Variants in SCAPER observed in about 807,000 individuals in gnomAD.
The protein encoded by SCAPER is S phase cyclin A-associated protein in the endoplasmic reticulum.
In SCAPER, 98 loss-of-function variants were observed where a neutral mutation model predicts 182.2. The observed-to-expected ratio is 0.54, with a 90% CI of 0.46 to 0.64. SCAPER has a LOEUF of 0.64. Among genes scored for constraint, SCAPER ranks in the 30% least tolerant of loss-of-function variants. The pLI, the probability that SCAPER is intolerant of heterozygous loss-of-function variation, is 0.00. For synonymous variants in SCAPER, 605 were observed against 564.6 expected (o/e 1.07, Z -1.01); for missense variants, 1,432 against 1,690.0 (o/e 0.85, Z 2.68).
chr15:76,547,729 G>A (rs1477398046), intron 23 of SCAPER, among the ~76,000 whole-genome samples: 1 of 152,070 alleles, frequency 6.6e-6, no homozygotes, highest in Non-Finnish European at 1.5e-5. Flanking sequence ...GACGGGTCAT[G>A]TATGTTGTAT....
intron 26 of SCAPER, among the ~76,000 whole-genome samples, chr15:76,407,438 T>G (rs1029801791): frequency 1.6e-4 from 24 of 152,240 alleles, no homozygotes; most frequent in African/African-American, 5.8e-4. Context: ...CCTTGGCATC[T>G]AGTTCAAACC....
At chr15:76,413,331 T>C (rs1428269219) in intron 26 of SCAPER, among the ~76,000 whole-genome samples, 1 of 152,188 alleles carries the variant, frequency 6.6e-6, no homozygotes, top group African/African-American at 2.4e-5. Flanking sequence ...GTGTTTATTA[T>C]TATGTACGAT....
chr15:76,398,329 T>C (rs1449621503), intron 27 of SCAPER, among the ~76,000 whole-genome samples: 10 of 152,230 alleles, frequency 6.6e-5, no homozygotes, highest in Admixed American at 3.3e-4. Flanking sequence ...TTATCTTCTG[T>C]CCTCTTGATC....
chr15:76,656,030 G>A (rs1420604144), intron 21 of SCAPER, among the ~76,000 whole-genome samples: 1 of 152,088 alleles, frequency 6.6e-6, no homozygotes, highest in Admixed American at 6.5e-5. Context: ...AGCTAACAAC[G>A]TGACAGGATC....
chr15:76,633,007 G>A (rs545585986), intron 21 of SCAPER, among the ~76,000 whole-genome samples: 12 of 152,014 alleles, frequency 7.9e-5, no homozygotes, highest in East Asian at 1.9e-4. Context: ...ACTCCTGACC[G>A]CAGGTGATCC....
At chr15:76,760,440 C>T (rs1489761353) in intron 14 of SCAPER, among the ~76,000 whole-genome samples, 2 of 152,236 alleles carry the variant, frequency 1.3e-5, no homozygotes, top group Non-Finnish European at 2.9e-5. Flanking sequence ...ACGAAACTTA[C>T]ATGCCCTCTC....
intron 2 of SCAPER, among the ~76,000 whole-genome samples, chr15:76,882,965 T>C (rs2073653634): frequency 6.6e-6 from 1 of 152,068 alleles, no homozygotes; most frequent in Non-Finnish European, 1.5e-5. Flanking sequence ...TGCCCGGCCC[T>C]CTCCTGCTCT....
At chr15:76,530,224 CA>C in intron 23 of SCAPER, among the ~76,000 whole-genome samples, 1 of 152,228 alleles carries the variant, frequency 6.6e-6, no homozygotes, top group South Asian at 2.1e-4. Flanking sequence ...AATATCCCTC[CA>C]AAGTATTAAT....
intron 8 of SCAPER, among the ~76,000 whole-genome samples, chr15:76,794,779 T>C (rs1178957899): frequency 6.6e-6 from 1 of 152,214 alleles, no homozygotes; most frequent in Non-Finnish European, 1.5e-5. Context: ...TCTTATGGGA[T>C]AAAATTGTTC....
chr15:76,837,124 A>G (rs187476674), intron 5 of SCAPER, among the ~76,000 whole-genome samples: 20 of 152,354 alleles, frequency 1.3e-4, no homozygotes, highest in Admixed American at 1.1e-3. Context: ...ATGGGAGAAA[A>G]CATTCACAAA....
chr15:76,523,800 T>G (rs16968335), intron 23 of SCAPER, among the ~76,000 whole-genome samples: 14,220 of 152,090 alleles, frequency 0.093, 825 homozygotes, highest in African/African-American at 0.15. Flanking sequence ...TTGGAGAGGA[T>G]GATATGCTTT....
chr15:76,351,130 G>C, intron 31 of SCAPER, 107 bp downstream of exon 31: 1 of 871,962 alleles, frequency 1.1e-6, no homozygotes, highest in African/African-American at 1.7e-5. Context: ...ATATTTTTAG[G>C]TTATGTATAA....
At chr15:76,533,236 T>C (rs1018560900) in intron 23 of SCAPER, among the ~76,000 whole-genome samples, 2 of 152,186 alleles carry the variant, frequency 1.3e-5, no homozygotes, top group Non-Finnish European at 2.9e-5. Flanking sequence ...AGTGCACTGT[T>C]AAAAATCAAA....
chr15:76,797,721 T>C (rs997186138), intron 7 of SCAPER: 6 of 152,192 alleles, frequency 3.9e-5, no homozygotes, highest in African/African-American at 1.4e-4. Context: ...TGACAAAACA[T>C]ACTGTTGTAT....
At chr15:76,862,367 C>T in intron 3 of SCAPER, 49 bp downstream of exon 3, 1 of 1,194,482 alleles carries the variant, frequency 8.4e-7, no homozygotes, top group Non-Finnish European at 1.2e-6. Context: ...GGACTAAATA[C>T]ACCCTCCTTA....
At chr15:76,393,039 TG>T (rs1409046388) in intron 27 of SCAPER, among the ~76,000 whole-genome samples, 1 of 152,242 alleles carries the variant, frequency 6.6e-6, no homozygotes, top group African/African-American at 2.4e-5. Context: ...TCATGTGAAC[TG>T]TACCAATGAA....
intron 10 of SCAPER, among the ~76,000 whole-genome samples, chr15:76,769,298 C>A (rs919698004): frequency 2.0e-5 from 3 of 151,780 alleles, no homozygotes; most frequent in African/African-American, 7.3e-5. Context: ...AAAAAATTAG[C>A]CAGGCGTGGT....
chr15:76,495,577 C>CAAA lies in SCAPER; in HGVS notation c.2954+9279_2954+9281dup, dbSNP rs71444987. 4.3e-3 allele frequency among the ~76,000 whole-genome samples: 242 copies of CAAA among 55,978 alleles called. 1 individual carries two copies. Among genetic ancestry groups the CAAA allele is most frequent in the East Asian group, 0.019 (30 of 1,550 alleles). 36.7% of individuals were successfully genotyped at this position (55,978 alleles called of 152,430 possible). A position where few individuals can be genotyped will look rare whatever the true frequency, so the allele number is the denominator to read the frequency against. ...TGGGCAACAGAGCAAGACTTGGTCTCAAAAAAAAAAAAAAAAAAAAAAAAG... is the reference window on the plus strand; with the variant it reads ...TGGGCAACAGAGCAAGACTTGGTCTCAAAAAAAAAAAAAAAAAAAAAAAAAAAG... On this transcript the variant is annotated intron_variant, in intron 24 of 31. Coordinates refer to ENST00000563290, the MANE Select transcript of SCAPER (RefSeq NM_020843.4).
chr15:76,510,225 T>A (rs2041911181), intron 23 of SCAPER, among the ~76,000 whole-genome samples: 1 of 152,022 alleles, frequency 6.6e-6, no homozygotes, highest in Non-Finnish European at 1.5e-5. Flanking sequence ...GATAAATAGC[T>A]GGAATTTAAT....
Sources: allele counts gnomAD v4.1 joint callset (sites outside exome capture counted in the v4.1 genomes callset), GRCh38; gene constraint gnomAD v4.1.1; transcripts MANE v1.5; gene names NCBI Gene and HGNC (gene_info 2026-07-23, HGNC 2026-07-21).